Variants in DNAAF11 observed in about 807,000 individuals in gnomAD.
DNAAF11 encodes leucine rich repeat containing 6.
In DNAAF11, 45 loss-of-function variants were observed where a neutral mutation model predicts 60.8. The observed-to-expected ratio is 0.74, with a 90% confidence interval of 0.58 to 0.95. The LOEUF is 0.95. Among genes scored for constraint, DNAAF11 ranks in the 40% least tolerant of loss-of-function variants. The pLI, the probability that DNAAF11 is intolerant of heterozygous loss-of-function variation, is 0.00. For missense variants in DNAAF11, 546 were observed against 546.2 expected (o/e 1.00, Z 0.00); for synonymous variants, 191 against 183.5 (o/e 1.04, Z -0.33).
In DNAAF11 at chr8:132,611,288, A is replaced by C. The variant is rs1393764937; in HGVS notation, c.1044+6T>G. The C allele has an allele frequency of 6.2e-7, 1 of 1,605,208 alleles. No individual in the cohort carries two copies. The highest frequency in any genetic ancestry group is 1.7e-5 in the Admixed American group (1 of 59,982). ...AAATTGTAATAGCCTACAGGGTTCT[A>C]CTTACCTTTCCTTTGATCATTACTC... is the stretch of plus-strand genomic sequence containing the variant. On this transcript the variant is annotated splice_donor_region_variant and intron_variant, in intron 9 of 11. Coordinates refer to ENST00000620350, the MANE Select transcript of DNAAF11 (RefSeq NM_012472.6).
chr8:132,698,905 C>T, the DNAAF11 span, among the ~76,000 whole-genome samples: 10 of 144,478 alleles, frequency 6.9e-5, no homozygotes, highest in African/African-American at 2.5e-4. Flanking sequence ...ACATGGCGAA[C>T]GCTGTTTCTA....
the DNAAF11 span, among the ~76,000 whole-genome samples, chr8:132,696,141 A>C: frequency 2.6e-5 from 4 of 152,230 alleles, no homozygotes; most frequent in Non-Finnish European, 5.9e-5. Flanking sequence ...AGTTATAAGC[A>C]GGAAAGAAGC....
intron 1 of DNAAF11, among the ~76,000 whole-genome samples, chr8:132,662,541 GACTC>G (rs971860509): frequency 1.4e-4 from 21 of 152,186 alleles, no homozygotes; most frequent in African/African-American, 5.1e-4. Flanking sequence ...AGATAATAAA[GACTC>G]ACTGTCACTT....
the DNAAF11 span, among the ~76,000 whole-genome samples, chr8:132,690,925 C>G: frequency 6.6e-6 from 1 of 152,188 alleles, no homozygotes; most frequent in Admixed American, 6.5e-5. Flanking sequence ...TGTGTCACTG[C>G]TTACGTTGGC....
intron 1 of DNAAF11, among the ~76,000 whole-genome samples, chr8:132,674,862 T>C (rs916968377): frequency 3.9e-5 from 6 of 152,256 alleles, no homozygotes; most frequent in Admixed American, 3.3e-4. Flanking sequence ...CACTCCAGCC[T>C]GGGCGACAGA....
At chr8:132,586,378 A>AG (rs5895149) in intron 10 of DNAAF11, among the ~76,000 whole-genome samples, 152,374 of 152,374 alleles carry the variant, frequency 1, 76,187 homozygotes, top group Non-Finnish European at 1. Context: ...AGTGCAACTT[A>AG]AAACTAAAGT....
intron 6 of DNAAF11, 128 bp from the exon 7 acceptor site, chr8:132,622,816 C>T (rs1819894564): frequency 3.0e-6 from 2 of 670,384 alleles, no homozygotes; most frequent in Non-Finnish European, 5.2e-6. Flanking sequence ...TTTACGAACA[C>T]ATCAACAATT....
At chr8:132,667,409 T>C (rs1161781935) in intron 1 of DNAAF11, among the ~76,000 whole-genome samples, 3 of 152,224 alleles carry the variant, frequency 2.0e-5, no homozygotes, top group Admixed American at 6.5e-5. Context: ...CCCTTCCTTC[T>C]ATAAATAAGT....
At chr8:132,628,611 T>C (rs1026517403) in intron 5 of DNAAF11, among the ~76,000 whole-genome samples, 2 of 152,282 alleles carry the variant, frequency 1.3e-5, no homozygotes, top group Admixed American at 1.3e-4. Flanking sequence ...TTCTCTGTAG[T>C]GTTTCTTCTT....
chr8:132,582,420 A>G (rs968388973), intron 11 of DNAAF11, among the ~76,000 whole-genome samples: 1 of 152,174 alleles, frequency 6.6e-6, no homozygotes, highest in African/African-American at 2.4e-5. Context: ...CCAGCTCCGA[A>G]CTGTTTGCAA....
chr8:132,644,909 G>A (rs1822220685), intron 3 of DNAAF11, among the ~76,000 whole-genome samples: 1 of 152,216 alleles, frequency 6.6e-6, no homozygotes, highest in African/African-American at 2.4e-5. Flanking sequence ...TCTGGGGGCA[G>A]GGCATAGTTG....
At chr8:132,582,593 A>T (rs1418839594) in intron 11 of DNAAF11, among the ~76,000 whole-genome samples, 1 of 152,180 alleles carries the variant, frequency 6.6e-6, no homozygotes, top group African/African-American at 2.4e-5. Flanking sequence ...AATAGAGTGG[A>T]TTTCCAAGGT....
upstream of DNAAF11, among the ~76,000 whole-genome samples, chr8:132,676,723 A>C (rs1243617568): frequency 6.6e-6 from 1 of 152,204 alleles, no homozygotes; most frequent in East Asian, 1.9e-4. Context: ...CAGAAACATC[A>C]GTTTGGCAAT....
intron 10 of DNAAF11, among the ~76,000 whole-genome samples, chr8:132,604,284 G>C (rs1279094513): frequency 3.3e-5 from 5 of 152,274 alleles, no homozygotes; most frequent in Non-Finnish European, 2.9e-5. Context: ...CAACTAATAA[G>C]GAGGAGGTTG....
At chr8:132,622,583 C>CT (rs772210002) in intron 7 of DNAAF11, 28 bp downstream of exon 7, 2 of 1,580,228 alleles carry the variant, frequency 1.3e-6, no homozygotes, top group East Asian at 4.5e-5. Context: ...ACTTTTGGGT[C>CT]TTTAACGCTC....
At chr8:132,594,435 G>A (rs1816779705) in intron 10 of DNAAF11, among the ~76,000 whole-genome samples, 1 of 152,126 alleles carries the variant, frequency 6.6e-6, no homozygotes, top group Admixed American at 6.5e-5. Flanking sequence ...AAAAAGAAAA[G>A]TCCTTCTAAA....
At chr8:132,650,902 T>A (rs1331736725) in intron 3 of DNAAF11, among the ~76,000 whole-genome samples, 4 of 152,198 alleles carry the variant, frequency 2.6e-5, no homozygotes, top group Non-Finnish European at 5.9e-5. Flanking sequence ...TAAAAAACCC[T>A]CCAAATGTTC....
At chr8:132,614,426 T>G (rs1397566244) in intron 8 of DNAAF11, among the ~76,000 whole-genome samples, 2 of 152,180 alleles carry the variant, frequency 1.3e-5, no homozygotes, top group Non-Finnish European at 2.9e-5. Context: ...TGCCTTTAGA[T>G]GCTTCCACAA....
the DNAAF11 span, among the ~76,000 whole-genome samples, chr8:132,688,157 C>T: frequency 2.0e-5 from 3 of 152,240 alleles, no homozygotes; most frequent in Admixed American, 6.5e-5. Context: ...ATAAATGTCC[C>T]GGCTCTCAAC....
Sources: gnomAD v4.1 joint callset for allele counts (sites outside exome capture counted in the v4.1 genomes callset) on GRCh38, gnomAD v4.1.1 for gene constraint, MANE v1.5 for transcripts, NCBI Gene and HGNC (gene_info 2026-07-23, HGNC 2026-07-21) for gene names.